Variants in CLVS1 observed in about 807,000 individuals in gnomAD.
CLVS1 encodes the protein clavesin 1, also known as clavesin-1.
In CLVS1, 10 loss-of-function variants were observed where a neutral mutation model predicts 33.1. The observed-to-expected ratio is 0.30, with a 90% confidence interval of 0.19 to 0.51. The LOEUF is 0.51. CLVS1 is among the 20% of genes least tolerant of loss of function. The pLI, the probability that CLVS1 is intolerant of heterozygous loss-of-function variation, is 0.97. For synonymous variants in CLVS1, 163 were observed against 166.1 expected (o/e 0.98, Z 0.14); for missense variants, 343 against 433.4 (o/e 0.79, Z 1.85).
intron 2 of CLVS1, among the ~76,000 whole-genome samples, chr8:61,243,693 T>G (rs1808743862): frequency 6.6e-6 from 1 of 152,056 alleles, no homozygotes; most frequent in Non-Finnish European, 1.5e-5. Context: ...GTTTCTTTTT[T>G]TGTTCTTGAT....
intron 2 of CLVS1, chr8:61,202,375 A>G (rs1409627625): frequency 4.0e-6 from 3 of 751,500 alleles, no homozygotes; most frequent in Non-Finnish European, 4.9e-6. Flanking sequence ...GGACGTGGAC[A>G]TGAGCTCCCT....
At chr8:61,093,030 G>A (rs1342335451) in intron 1 of CLVS1, among the ~76,000 whole-genome samples, 1 of 152,110 alleles carries the variant, frequency 6.6e-6, no homozygotes, top group African/African-American at 2.4e-5. Flanking sequence ...AAATGGGAAG[G>A]GCTCAGTAGG....
At chr8:61,014,054 T>C in the CLVS1 span, among the ~76,000 whole-genome samples, 1 of 151,018 alleles carries the variant, frequency 6.6e-6, no homozygotes, top group Non-Finnish European at 1.5e-5. Flanking sequence ...ATTAGACTCA[T>C]CTGCAAGTGT....
chr8:61,459,917 GC>G (rs1586005782), intron 5 of CLVS1, among the ~76,000 whole-genome samples: 1 of 152,140 alleles, frequency 6.6e-6, no homozygotes, highest in Non-Finnish European at 1.5e-5. Flanking sequence ...CTTGCACATG[GC>G]TGCCTTCTCC....
intron 2 of CLVS1, among the ~76,000 whole-genome samples, chr8:61,249,998 T>G (rs754620290): frequency 5.3e-5 from 8 of 152,222 alleles, no homozygotes; most frequent in Non-Finnish European, 8.8e-5. Context: ...CCCATGCCTA[T>G]GTCCTGTAGG....
chr8:61,473,128 T>C (rs1314910458), intron 5 of CLVS1, among the ~76,000 whole-genome samples: 2 of 152,038 alleles, frequency 1.3e-5, no homozygotes, highest in African/African-American at 4.8e-5. Flanking sequence ...GGAAGTCACA[T>C]ATAAGCTGAA....
intron 4 of CLVS1, among the ~76,000 whole-genome samples, chr8:61,455,763 C>T (rs1439893256): frequency 6.6e-6 from 1 of 152,180 alleles, no homozygotes; most frequent in Non-Finnish European, 1.5e-5. Flanking sequence ...GGGTGCCTGA[C>T]ACTAGGGAAT....
At chr8:61,158,594 G>T (rs1160756039) in intron 2 of CLVS1, among the ~76,000 whole-genome samples, 1 of 152,038 alleles carries the variant, frequency 6.6e-6, no homozygotes, top group Non-Finnish European at 1.5e-5. Context: ...AGGTGGCCTG[G>T]GTTACTAGGA....
At chr8:60,993,108 T>C in the CLVS1 span, among the ~76,000 whole-genome samples, 6 of 152,194 alleles carry the variant, frequency 3.9e-5, no homozygotes, top group African/African-American at 1.4e-4. Context: ...CAGTGGGGCT[T>C]GTTCTTGCTT....
At chr8:61,165,289 C>T (rs1329555602) in intron 2 of CLVS1, among the ~76,000 whole-genome samples, 3 of 152,134 alleles carry the variant, frequency 2.0e-5, no homozygotes, top group Admixed American at 2.0e-4. Context: ...TCAGCTCGAG[C>T]CCTAACAAAC....
In CLVS1 at chr8:61,422,948, G is replaced by A. The variant is rs182726581; in HGVS notation, c.631-31193G>A. On this transcript the variant is annotated intron_variant, in intron 3 of 5. Transcript: ENST00000325897. ...CCCCTTCCCCGGTGGACTGTGCTCC[G>A]GGTGGGAAATCCCTCCTACAGAGAG... 4.5e-3 allele frequency among the ~76,000 whole-genome samples: 659 copies of A among 148,050 alleles called. 4 individuals carry two copies. Among genetic ancestry groups the A allele is most frequent in the Middle Eastern group, 6.8e-3 (2 of 294 alleles).
chr8:61,292,447 G>C, intron 1 of CLVS1: 1 of 455,428 alleles, frequency 2.2e-6, no homozygotes. Context: ...GTTAATGGCC[G>C]TTTTTGGGTG....
chr8:61,110,445 A>T (rs906260176), intron 1 of CLVS1, among the ~76,000 whole-genome samples: 1 of 152,278 alleles, frequency 6.6e-6, no homozygotes, highest in African/African-American at 2.4e-5. Flanking sequence ...GCAGCAATCC[A>T]TGAATGTGGA....
At chr8:61,181,268 A>G (rs1201646427) in intron 2 of CLVS1, among the ~76,000 whole-genome samples, 1 of 152,232 alleles carries the variant, frequency 6.6e-6, no homozygotes, top group African/African-American at 2.4e-5. Context: ...CTAGGAATAC[A>G]GCTAACAAGG....
intron 5 of CLVS1, among the ~76,000 whole-genome samples, chr8:61,468,716 T>TAAAAAAAA (rs5891803): frequency 3.5e-4 from 32 of 92,466 alleles, no homozygotes; most frequent in African/African-American, 1.4e-3. Flanking sequence ...GTAAAAGTAC[T>TAAAAAAAA]AAAAAAAAAA....
intron 2 of CLVS1, among the ~76,000 whole-genome samples, chr8:61,339,799 A>G (rs11993486): frequency 0.26 from 14,274 of 54,674 alleles, 1,325 homozygotes; most frequent in African/African-American, 0.42. Flanking sequence ...AAGAGAAAAA[A>G]GAGAGGAAGG....
intron 2 of CLVS1, among the ~76,000 whole-genome samples, chr8:61,356,270 T>A (rs1585850826): frequency 6.6e-6 from 1 of 152,230 alleles, no homozygotes; most frequent in Non-Finnish European, 1.5e-5. Context: ...TGTTTGTTTT[T>A]TTCTTGTAAA....
chr8:61,226,279 A>G (rs897921054), intron 2 of CLVS1, among the ~76,000 whole-genome samples: 1 of 152,212 alleles, frequency 6.6e-6, no homozygotes, highest in Non-Finnish European at 1.5e-5. Flanking sequence ...GGCTCTTTTC[A>G]AGATCACTGA....
chr8:61,231,286 G>GCGCACACACACACACA (rs1808427337), intron 2 of CLVS1, among the ~76,000 whole-genome samples: 1 of 149,976 alleles, frequency 6.7e-6, no homozygotes, highest in African/African-American at 2.5e-5. Context: ...ACCTGTGCTT[G>GCGCACACACACACACA]CACACACACA....
Sources: allele counts gnomAD v4.1 joint callset (sites outside exome capture counted in the v4.1 genomes callset), GRCh38; gene constraint gnomAD v4.1.1; transcripts MANE v1.5; gene names NCBI Gene and HGNC (gene_info 2026-07-23, HGNC 2026-07-21).